The following RBFOX1 variants were observed in gnomAD, a reference collection of about 807,000 sequenced individuals.
RBFOX1 encodes the protein RNA binding fox-1 homolog 1, also known as RNA binding protein fox-1 homolog 1.
RBFOX1 carries 8 observed loss-of-function variants against 57.7 expected under a neutral mutation model. The ratio of observed to expected loss-of-function variants is 0.14; its 90% confidence interval spans 0.08 to 0.25. The LOEUF is 0.25. Among genes scored for constraint, RBFOX1 ranks in the 10% least tolerant of loss-of-function variants. The pLI is 1.00. For missense variants in RBFOX1, 611 were observed against 548.5 expected (o/e 1.11, Z -1.14); for synonymous variants, 326 against 222.4 (o/e 1.47, Z -4.15).
intron 2 of RBFOX1, among the ~76,000 whole-genome samples, chr16:6,570,403 TAGA>T (rs1171697659): frequency 6.6e-6 from 1 of 152,112 alleles, no homozygotes. Flanking sequence ...ATATGAAAGA[TAGA>T]AGAAGTACAG....
chr16:6,523,142 G>A (rs934343404), intron 2 of RBFOX1, among the ~76,000 whole-genome samples: 8 of 152,116 alleles, frequency 5.3e-5, no homozygotes, highest in African/African-American at 9.7e-5. Context: ...CAACTGGAAC[G>A]TAGGTAGCAT....
chr16:6,006,775 G>C (rs2094929967), intron 4 of RBFOX1, among the ~76,000 whole-genome samples: 1 of 152,218 alleles, frequency 6.6e-6, no homozygotes, highest in African/African-American at 2.4e-5. Context: ...TTCAAGGCCA[G>C]ACAAGAGGCG....
intron 3 of RBFOX1, among the ~76,000 whole-genome samples, chr16:6,772,290 C>T (rs932428173): frequency 6.6e-6 from 1 of 152,112 alleles, no homozygotes; most frequent in African/African-American, 2.4e-5. Context: ...TATACAGTGC[C>T]TGACCCTAGT....
chr16:6,920,682 T>C (rs1287317821), intron 3 of RBFOX1, among the ~76,000 whole-genome samples: 1 of 152,154 alleles, frequency 6.6e-6, no homozygotes, highest in Non-Finnish European at 1.5e-5. Context: ...TTTCTTTTGG[T>C]TCCAAGCAAT....
chr16:5,856,575 G>GTGTATATATATATATATGTATATATATA (rs1192496608), intron 3 of RBFOX1, among the ~76,000 whole-genome samples: 2 of 32,920 alleles, frequency 6.1e-5, no homozygotes, highest in Non-Finnish European at 1.1e-4. Context: ...GTGTGTGTGT[G>GTGTATATATATATATATGTATATATATA]TATATATATA....
In RBFOX1 at chr16:6,218,005, G is replaced by A. The variant is rs111254443; in HGVS notation, c.-126-98990G>A. On this transcript the variant is annotated intron_variant, in intron 1 of 15. Coordinates refer to ENST00000550418, the MANE Select transcript of RBFOX1 (RefSeq NM_018723.4). ...CATTCTAGCCTGGAAGGCAGAGTGA[G>A]ATTCTGTCTCAAAAATAATAAAATA... Among the ~76,000 whole-genome samples, 782 of 152,278 alleles carry A rather than the reference G, an allele frequency of 5.1e-3. 11 individuals are homozygous for A. The highest frequency in any genetic ancestry group is 0.018 in the African/African-American group (734 of 41,544).
intron 3 of RBFOX1, among the ~76,000 whole-genome samples, chr16:6,875,045 T>G (rs2061585424): frequency 6.6e-6 from 1 of 152,172 alleles, no homozygotes; most frequent in South Asian, 2.1e-4. Context: ...TGGGAGCAAG[T>G]GTGGTCAAGA....
intron 4 of RBFOX1, among the ~76,000 whole-genome samples, chr16:7,226,090 C>T (rs2093097646): frequency 6.6e-6 from 1 of 151,964 alleles, no homozygotes; most frequent in African/African-American, 2.4e-5. Flanking sequence ...TGCTCACCCT[C>T]AACTCAGGAC....
intron 4 of RBFOX1, among the ~76,000 whole-genome samples, chr16:7,295,547 A>G (rs2095872075): frequency 2.0e-5 from 3 of 152,202 alleles, no homozygotes; most frequent in African/African-American, 7.2e-5. Flanking sequence ...CCTTAGAATG[A>G]AACTGAGGTT....
At chr16:5,388,940 C>G (rs1017216190) in intron 1 of RBFOX1, among the ~76,000 whole-genome samples, 4 of 151,256 alleles carry the variant, frequency 2.6e-5, no homozygotes, top group Admixed American at 6.6e-5. Flanking sequence ...ACCTGTAATC[C>G]CAGCACTTTG....
intron 4 of RBFOX1, among the ~76,000 whole-genome samples, chr16:7,431,532 G>A (rs954397343): frequency 4.6e-5 from 7 of 152,256 alleles, no homozygotes; most frequent in East Asian, 3.9e-4. Context: ...GAGCCACCGC[G>A]CCACTGTGCC....
At chr16:6,931,291 G>A (rs867143559) in intron 3 of RBFOX1, among the ~76,000 whole-genome samples, 57 of 124,086 alleles carry the variant, frequency 4.6e-4, no homozygotes, top group African/African-American at 1.2e-3. Flanking sequence ...CTGTCTGTCT[G>A]TCTGTCTATC....
At chr16:7,450,944 G>A (rs1361704896) in intron 4 of RBFOX1, among the ~76,000 whole-genome samples, 1 of 152,200 alleles carries the variant, frequency 6.6e-6, no homozygotes, top group African/African-American at 2.4e-5. Context: ...AGCCCAGGAA[G>A]AGGCCTCTGC....
intron 10 of RBFOX1, among the ~76,000 whole-genome samples, chr16:7,626,781 C>T (rs1456706454): frequency 6.6e-6 from 1 of 152,086 alleles, no homozygotes; most frequent in African/African-American, 2.4e-5. Flanking sequence ...TGAAAAAAAA[C>T]ACTATTTTTA....
intron 2 of RBFOX1, among the ~76,000 whole-genome samples, chr16:6,387,189 C>A (rs1399165424): frequency 6.6e-6 from 1 of 152,188 alleles, no homozygotes; most frequent in Non-Finnish European, 1.5e-5. Flanking sequence ...TAAGGCAGTT[C>A]TTGTAAGTTC....
intron 11 of RBFOX1, among the ~76,000 whole-genome samples, chr16:7,650,773 T>TA (rs1481321804): frequency 1.3e-5 from 2 of 152,218 alleles, no homozygotes; most frequent in Non-Finnish European, 2.9e-5. Flanking sequence ...ATTTTTCATT[T>TA]TCTTTATTTC....
chr16:6,863,299 G>A (rs1212103733), intron 3 of RBFOX1, among the ~76,000 whole-genome samples: 1 of 152,104 alleles, frequency 6.6e-6, no homozygotes, highest in Non-Finnish European at 1.5e-5. Context: ...AAAGTGATTA[G>A]CAGCAAATGG....
At chr16:7,650,166 T>C (rs767518550) in intron 11 of RBFOX1, among the ~76,000 whole-genome samples, 6 of 152,144 alleles carry the variant, frequency 3.9e-5, no homozygotes, top group Non-Finnish European at 8.8e-5. Flanking sequence ...AGCATTTTTC[T>C]AACTAGAGAT....
intron 1 of RBFOX1, among the ~76,000 whole-genome samples, chr16:6,127,898 C>G (rs752183155): frequency 2.0e-5 from 3 of 152,076 alleles, no homozygotes; most frequent in Admixed American, 6.6e-5. Flanking sequence ...CATTTTCTCA[C>G]TTCAGAGAAT....
Sources: gnomAD v4.1 joint callset for allele counts (sites outside exome capture counted in the v4.1 genomes callset) on GRCh38, gnomAD v4.1.1 for gene constraint, MANE v1.5 for transcripts, NCBI Gene and HGNC (gene_info 2026-07-23, HGNC 2026-07-21) for gene names.